Variants in STK31 observed in about 807,000 individuals in gnomAD.
STK31 encodes serine/threonine-protein kinase 31.
STK31 carries 89 observed loss-of-function variants against 129.7 expected under a neutral mutation model. The observed-to-expected ratio is 0.69, with a 90% CI of 0.58 to 0.82. STK31 has a LOEUF of 0.82. Ranked by LOEUF, STK31 falls within the 40% of genes least tolerant of loss-of-function variation. The pLI is 0.00. For missense variants in STK31, 1,187 were observed against 1,176.4 expected, an observed-to-expected ratio of 1.01 and a Z score of -0.13; for synonymous variants, 448 against 395.3, an observed-to-expected ratio of 1.13 and a Z score of -1.58.
intron 23 of STK31, among the ~76,000 whole-genome samples, chr7:23,830,772 A>T (rs1460155191): frequency 3.9e-5 from 6 of 152,102 alleles, no homozygotes; most frequent in Non-Finnish European, 8.8e-5. Flanking sequence ...GGTGTCTGCC[A>T]CCACACTCAT....
chr7:23,824,926 C>T (rs572671475), intron 23 of STK31, among the ~76,000 whole-genome samples: 1 of 152,028 alleles, frequency 6.6e-6, no homozygotes, highest in Admixed American at 6.6e-5. Context: ...GTTGAACCAG[C>T]CTTGCATCCC....
chr7:23,717,433 T>C (rs1167962340), intron 3 of STK31, 48 bp from the exon 4 acceptor site: 1 of 1,336,710 alleles, frequency 7.5e-7, no homozygotes, highest in East Asian at 2.5e-5. Flanking sequence ...CGTGTAACAC[T>C]GTAAAATAAT....
chr7:23,720,395 C>G (rs1786620428), intron 4 of STK31, among the ~76,000 whole-genome samples: 2 of 152,130 alleles, frequency 1.3e-5, no homozygotes, highest in African/African-American at 4.8e-5. Flanking sequence ...CATATCTACC[C>G]TGCTACTTAG....
At position 23,783,570 on chromosome 7, in the gene STK31, T is replaced by C. The variant is rs751231980; in HGVS notation, c.2068-13T>C. ...TTGATCTACAGTTAAAAACTTTTTT[T>C]TTTTAACTTTAGGAGATGCTAACTA... On this transcript the variant is annotated splice_polypyrimidine_tract_variant and intron_variant, in intron 16 of 23. Coordinates refer to ENST00000355870, the MANE Select transcript of STK31 (RefSeq NM_031414.5). The C allele has an allele frequency of 3.1e-6, 5 of 1,592,168 alleles. No individual in the cohort carries two copies. In the South Asian group the frequency reaches 5.8e-5, roughly 18 times the overall value.
intron 22 of STK31, among the ~76,000 whole-genome samples, chr7:23,813,210 A>G (rs1793261252): frequency 1.3e-5 from 2 of 150,330 alleles, no homozygotes; most frequent in South Asian, 4.2e-4. Context: ...CAGTTTTAAG[A>G]TTTCGGTTAT....
At chr7:23,785,405 A>G in intron 17 of STK31, 73 bp from the exon 18 acceptor site, 2 of 1,571,278 alleles carry the variant, frequency 1.3e-6, no homozygotes, top group African/African-American at 1.4e-5. Context: ...ATATCGTGTA[A>G]CTAATTATTT....
At chr7:23,785,688 C>G in intron 18 of STK31, 85 bp downstream of exon 18, 2 of 1,495,122 alleles carry the variant, frequency 1.3e-6, no homozygotes, top group South Asian at 2.6e-5. Flanking sequence ...GAAAAAACCT[C>G]ACTGTTAGTT....
chr7:23,831,858 G>A (rs772780862), intron 23 of STK31, among the ~76,000 whole-genome samples: 11 of 152,172 alleles, frequency 7.2e-5, no homozygotes, highest in Non-Finnish European at 1.3e-4. Context: ...ACTCCTGACC[G>A]CAGGTGACCT....
chr7:23,760,554 A>T (rs1789403017), intron 10 of STK31, among the ~76,000 whole-genome samples: 1 of 152,248 alleles, frequency 6.6e-6, no homozygotes, highest in Non-Finnish European at 1.5e-5. Flanking sequence ...TTCTTACATT[A>T]ACTTTTAAAA....
chr7:23,717,051 G>A (rs1241970420), intron 3 of STK31, among the ~76,000 whole-genome samples: 3 of 139,982 alleles, frequency 2.1e-5, no homozygotes, highest in East Asian at 4.3e-4. Context: ...CTCCCACCTC[G>A]GCCCTCCAAA....
intron 23 of STK31, among the ~76,000 whole-genome samples, chr7:23,820,156 A>T (rs1448358031): frequency 6.6e-6 from 1 of 152,146 alleles, no homozygotes; most frequent in African/African-American, 2.4e-5. Context: ...CCATTGTTTC[A>T]GTATTGGAGG....
In STK31 at chr7:23,710,281, C is replaced by T. The variant is rs371501104; in HGVS notation, c.-5C>T. 1.9e-6 allele frequency: 3 copies of T among 1,611,784 alleles called. No individual in the cohort carries two copies. Among genetic ancestry groups the T allele is most frequent in the Non-Finnish European group, 8.5e-7 (1 of 1,179,870 alleles). On this transcript the variant is annotated 5_prime_UTR_variant, in exon 1 of 24. Coordinates refer to ENST00000355870, the MANE Select transcript of STK31 (RefSeq NM_031414.5). ...CTACGGCGGGCGGAGGGCCGAAAGT[C>T]CAGTATGTGGGTCCAGGGTCACTCT...
intron 3 of STK31, among the ~76,000 whole-genome samples, chr7:23,713,328 C>T (rs184522596): frequency 6.4e-4 from 98 of 152,288 alleles, no homozygotes; most frequent in Admixed American, 2.9e-3. Flanking sequence ...ATAGGGCACT[C>T]ACCATGAATG....
chr7:23,722,370 TG>T (rs2128067407), intron 4 of STK31: 1 of 154,002 alleles, frequency 6.5e-6, no homozygotes, highest in African/African-American at 2.4e-5. Context: ...CCTGTTTGCC[TG>T]GGTATCACCA....
chr7:23,715,854 A>G (rs938811346), intron 3 of STK31, among the ~76,000 whole-genome samples: 5 of 152,116 alleles, frequency 3.3e-5, no homozygotes, highest in African/African-American at 1.2e-4. Flanking sequence ...TTTCTTTAGA[A>G]CATATATATA....
chr7:23,769,240 C>T (rs1356885898), intron 12 of STK31, 66 bp downstream of exon 12: 34 of 1,396,224 alleles, frequency 2.4e-5, no homozygotes, highest in Middle Eastern at 2.0e-4. Context: ...TTAAAAATCA[C>T]GCGCTTTGTT....
chr7:23,742,940 G>A (rs1354387234), intron 8 of STK31, among the ~76,000 whole-genome samples: 1 of 139,850 alleles, frequency 7.2e-6, no homozygotes, highest in Non-Finnish European at 1.5e-5. Flanking sequence ...GCTTTACTCT[G>A]TGGGTTTTAT....
intron 4 of STK31, chr7:23,726,219 G>T (rs1270834681): frequency 6.6e-6 from 1 of 151,956 alleles, no homozygotes; most frequent in Non-Finnish European, 1.5e-5. Context: ...GTTTTTGCTT[G>T]TCACAACTGG....
chr7:23,820,997 A>G (rs1168004743), intron 23 of STK31, among the ~76,000 whole-genome samples: 1 of 152,056 alleles, frequency 6.6e-6, no homozygotes, highest in East Asian at 1.9e-4. Context: ...TGCAGTAAAC[A>G]TGGGGGTGCA....
Sources: allele counts gnomAD v4.1 joint callset (sites outside exome capture counted in the v4.1 genomes callset), GRCh38; gene constraint gnomAD v4.1.1; transcripts MANE v1.5; gene names NCBI Gene and HGNC (gene_info 2026-07-23, HGNC 2026-07-21).